Variants in PCDHGA6 observed in about 807,000 individuals in gnomAD.
The protein encoded by PCDHGA6 is protocadherin gamma-A6.
In PCDHGA6, 41 loss-of-function variants were observed where a neutral mutation model predicts 60.6. The ratio of observed to expected loss-of-function variants is 0.68; its 90% CI spans 0.53 to 0.88. PCDHGA6 has a LOEUF of 0.88. Ranked by LOEUF, PCDHGA6 falls within the 40% of genes least tolerant of loss-of-function variation. The pLI is 0.00. For synonymous variants in PCDHGA6, 594 were observed against 524.4 expected (o/e 1.13, Z -1.81); for missense variants, 1,312 against 1,203.0 (o/e 1.09, Z -1.34).
Position 141,489,569 on chromosome 5 carries a change from C to T in PCDHGA6, c.2425-5238C>T. On this transcript the variant is annotated intron_variant, in intron 1 of 3. Coordinates refer to ENST00000517434, the MANE Select transcript of PCDHGA6 (RefSeq NM_018919.3). This position sits in a 1 kb window ranked among gnomAD's most constrained non-coding sequence, Gnocchi z 4.5. ...TGCCTGCTGCCAGTGCAGGTGGTGACTGAACACCCCCTGGAGCTAATCCGT... is the reference window on the plus strand; with the variant it reads ...TGCCTGCTGCCAGTGCAGGTGGTGATTGAACACCCCCTGGAGCTAATCCGT... 6.2e-7 allele frequency: 1 copy of T among 1,614,024 alleles called. No homozygotes were observed. The highest frequency in any genetic ancestry group is 2.2e-5 in the East Asian group (1 of 44,870).
chr5:141,385,604 CAT>C, intron 1 of PCDHGA6: 1 of 1,188,174 alleles, frequency 8.4e-7, no homozygotes, highest in Non-Finnish European at 1.1e-6. Flanking sequence ...TTTCTTAACT[CAT>C]ATATTTTATA....
At chr5:141,398,014 C>T in intron 1 of PCDHGA6, 1 of 1,420,276 alleles carries the variant, frequency 7.0e-7, no homozygotes, top group South Asian at 1.5e-5. Context: ...AGAATCGTTT[C>T]CTAAACTGGA....
rs749817501 is a variant in PCDHGA6 at position 141,423,756 on chromosome 5, G to GT, written c.2424+47249_2424+47250insT. ...GCCTGTTATGAAAACTGTTTGGGGGGGGGGTGGGGCGGCATATATTTAGTT... is the reference window on the plus strand; with the variant it reads ...GCCTGTTATGAAAACTGTTTGGGGGGTGGGGTGGGGCGGCATATATTTAGTT... On this transcript the variant is annotated intron_variant, in intron 1 of 3. Transcript: ENST00000517434. 9 of 448,538 alleles carry GT rather than the reference G, an allele frequency of 2.0e-5. 1 individual carries two copies. Among genetic ancestry groups the GT allele is most frequent in the African/African-American group, 2.8e-5 (1 of 35,670 alleles). 27.8% of individuals were successfully genotyped at this position (448,538 alleles called of 1,614,324 possible).
At chr5:141,479,242 A>G (rs2099491093) in intron 1 of PCDHGA6, 1 of 152,320 alleles carries the variant, frequency 6.6e-6, no homozygotes, top group African/African-American at 2.4e-5. Context: ...AAACCCAAAG[A>G]TAACCATTTT....
rs1281337319 is a variant in PCDHGA6, at chr5:141,393,186, G to A, written c.2424+16679G>A. ...CTTTGGGGTAGAAATAGAAATAATT[G>A]ATATTAACGATAATAACCCAAAATT... On this transcript the variant is annotated intron_variant, in intron 1 of 3. Transcript: ENST00000517434. 1.2e-6 allele frequency: 2 copies of A among 1,613,188 alleles called. No homozygotes were observed. The highest frequency in any genetic ancestry group is 3.3e-5 in the Admixed American group (2 of 59,998).
At chr5:141,502,739 A>C (rs1287180048) in intron 2 of PCDHGA6, among the ~76,000 whole-genome samples, 1 of 152,070 alleles carries the variant, frequency 6.6e-6, no homozygotes, top group Non-Finnish European at 1.5e-5. Flanking sequence ...ATGTTCTGTC[A>C]TTCCTTCTAC....
At chr5:141,458,437 C>T (rs777855535) in intron 1 of PCDHGA6, among the ~76,000 whole-genome samples, 1 of 152,026 alleles carries the variant, frequency 6.6e-6, no homozygotes, top group Non-Finnish European at 1.5e-5. Flanking sequence ...AGAGGAGGTC[C>T]CCCACATTAA....
chr5:141,460,766 A>G (rs1370331016), intron 1 of PCDHGA6, among the ~76,000 whole-genome samples: 1 of 152,056 alleles, frequency 6.6e-6, no homozygotes, highest in Non-Finnish European at 1.5e-5. Flanking sequence ...TACATATTGC[A>G]TATGTATGTA....
At chr5:141,410,676 T>G in intron 1 of PCDHGA6, 1 of 1,550,692 alleles carries the variant, frequency 6.4e-7, no homozygotes, top group African/African-American at 1.4e-5. Flanking sequence ...TTTCTCATAT[T>G]TTAGGCATAC....
rs9324847 is a variant in PCDHGA6, at chr5:141,376,094, A to C, written c.2011A>C (p.Ile671Leu). The C allele has an allele frequency of 5.1e-3, 8,284 of 1,613,546 alleles. 340 individuals are homozygous for C. In the African/African-American group the frequency reaches 0.097, roughly 19 times the overall value. The change falls in exon 1 of 4, where the codon ATC becomes CTC. Residue 671 changes from isoleucine (I) to leucine (L), a missense_variant. Ile to Leu is a conservative substitution (Grantham distance 5). Transcript: ENST00000517434. ...TVAVADRIPD[I>L]LADLGSLEPS... ...GGCCGTGGCCGACAGGATCCCCGAC[A>C]TCCTGGCCGACCTGGGCAGCCTCGA...
intron 1 of PCDHGA6, chr5:141,400,720 T>G (rs2150871186): frequency 1.5e-6 from 1 of 669,356 alleles, no homozygotes; most frequent in Non-Finnish European, 2.5e-6. Context: ...CCTTATAGAT[T>G]TACAAAGTAG....
intron 1 of PCDHGA6, among the ~76,000 whole-genome samples, chr5:141,465,307 T>C (rs2099100636): frequency 6.6e-6 from 1 of 152,218 alleles, no homozygotes; most frequent in Non-Finnish European, 1.5e-5. Context: ...CCTGGGAATT[T>C]AGCCATGTCA....
At chr5:141,454,838 C>T (rs1472341694) in intron 1 of PCDHGA6, among the ~76,000 whole-genome samples, 7 of 100,814 alleles carry the variant, frequency 6.9e-5, no homozygotes, top group Non-Finnish European at 1.1e-4. Flanking sequence ...GACAGAGTCG[C>T]GCTCTGTCAC....
intron 1 of PCDHGA6, among the ~76,000 whole-genome samples, chr5:141,443,789 A>G (rs1316614117): frequency 6.6e-6 from 1 of 152,234 alleles, no homozygotes; most frequent in East Asian, 1.9e-4. Context: ...GACAAAAAAA[A>G]TGAAAAGGAA....
At position 141,393,973 on chromosome 5, in the gene PCDHGA6, G is replaced by A. The variant is rs776954838; in HGVS notation, c.2424+17466G>A. ...AATGGTCAAGTTGTCTGTTACACAC[G>A]TGATAATTTACCTTTTAAATTAGAA... On this transcript the variant is annotated intron_variant, in intron 1 of 3. Transcript: ENST00000517434. 3.1e-6 allele frequency: 5 copies of A among 1,613,784 alleles called. No individual in the cohort carries two copies. The South Asian group carries it at 5.5e-5, about 18-fold the overall frequency.
chr5:141,375,943 C>T lies in PCDHGA6; in HGVS notation c.1860C>T (p.Gly620=), dbSNP rs111303338. 3.8e-3 allele frequency: 6,199 copies of T among 1,613,582 alleles called. 67 individuals are homozygous for T. Among genetic ancestry groups the T allele is most frequent in the African/African-American group, 0.036 (2,673 of 75,052 alleles). ...GCGAGCCAGGACTTTTCTCAGTGGG[C>T]CTGCACACGGGCGAGGTGCGCACGG... ...KASEPGLFSV[G]LHTGEVRTAR... is the part of the protein sequence containing the mutation. Residue 620 remains glycine (G), a synonymous_variant, in exon 1 of 4, where the codon GGC becomes GGT. Coordinates refer to ENST00000517434, the MANE Select transcript of PCDHGA6 (RefSeq NM_018919.3).
intron 2 of PCDHGA6, among the ~76,000 whole-genome samples, chr5:141,500,877 AT>A (rs369345007): frequency 5.2e-4 from 64 of 122,250 alleles, no homozygotes; most frequent in Admixed American, 1.0e-3. Context: ...TTCATTTACA[AT>A]TTTTTTTTTT....
intron 1 of PCDHGA6, chr5:141,384,152 A>G: frequency 2.5e-6 from 4 of 1,613,508 alleles, no homozygotes; most frequent in Non-Finnish European, 3.4e-6. Flanking sequence ...CTCTCTTTGT[A>G]TAACATCACA....
At chr5:141,421,320 G>C (rs1561793188) in intron 1 of PCDHGA6, 1 of 1,613,904 alleles carries the variant, frequency 6.2e-7, no homozygotes, top group East Asian at 2.2e-5. Flanking sequence ...GGGCCAGGCA[G>C]ATCCGATATT....
Sources: allele counts gnomAD v4.1 joint callset (sites outside exome capture counted in the v4.1 genomes callset), GRCh38; gene constraint gnomAD v4.1.1; non-coding constraint Gnocchi (gnomAD v3.1); transcripts MANE v1.5; gene names NCBI Gene and HGNC (gene_info 2026-07-23, HGNC 2026-07-21).